TENM3: variants seen among roughly 807,000 people sequenced by gnomAD.
TENM3 encodes teneurin-3.
Under a neutral mutation model 255.1 loss-of-function variants are expected in TENM3, and 63 were observed. That is an observed-to-expected ratio of 0.25 (90% CI 0.20 to 0.30). The LOEUF (loss-of-function observed/expected upper bound fraction) is 0.30. Among genes scored for constraint, TENM3 ranks in the 10% least tolerant of loss-of-function variants. The pLI is 1.00. For missense variants in TENM3, 2,929 were observed against 3,461.1 expected, an observed-to-expected ratio of 0.85 and a Z score of 3.86; for synonymous variants, 1,306 against 1,322.3, an observed-to-expected ratio of 0.99 and a Z score of 0.27.
chr4:182,284,979 C>T (rs1255074881), intron 1 of TENM3, among the ~76,000 whole-genome samples: 3 of 152,004 alleles, frequency 2.0e-5, no homozygotes, highest in African/African-American at 7.3e-5. Flanking sequence ...GTCAAAGAGG[C>T]ACAAGTTAAT....
At chr4:181,820,143 T>G in the TENM3 span, 3 of 151,676 alleles carry the variant, frequency 2.0e-5, no homozygotes, top group Non-Finnish European at 4.4e-5. Flanking sequence ...CCAGGAGGGG[T>G]GTGAGGCATC....
chr4:182,436,203 A>G (rs1413037309), intron 3 of TENM3, among the ~76,000 whole-genome samples: 1 of 152,136 alleles, frequency 6.6e-6, no homozygotes, highest in Non-Finnish European at 1.5e-5. Flanking sequence ...ATGGGGAGTC[A>G]TGTTAACAAT....
intron 1 of TENM3, among the ~76,000 whole-genome samples, chr4:182,289,873 C>T (rs192018505): frequency 6.6e-6 from 1 of 152,048 alleles, no homozygotes. Context: ...TCGGGTTGCC[C>T]GCGGCTCCAC....
chr4:181,690,992 C>A, the TENM3 span, among the ~76,000 whole-genome samples: 1 of 152,160 alleles, frequency 6.6e-6, no homozygotes, highest in African/African-American at 2.4e-5. Context: ...TTTGTCTTTA[C>A]TGAATGCTCT....
chr4:182,242,489 G>A (rs62354182), upstream of TENM3, among the ~76,000 whole-genome samples: 26,397 of 152,032 alleles, frequency 0.17, 2,514 homozygotes, highest in African/African-American at 0.25. Context: ...GGCCCAGCAC[G>A]GTGGCTCATG....
intron 1 of TENM3, among the ~76,000 whole-genome samples, chr4:182,296,435 G>A (rs895750062): frequency 6.6e-6 from 1 of 152,110 alleles, no homozygotes. Flanking sequence ...TTACTTTTGT[G>A]GATCTGCAAG....
chr4:182,393,682 T>A (rs1167032805), intron 3 of TENM3, among the ~76,000 whole-genome samples: 1 of 152,216 alleles, frequency 6.6e-6, no homozygotes, highest in Non-Finnish European at 1.5e-5. Context: ...ATTGATATTA[T>A]TTTTAAATAC....
intron 1 of TENM3, among the ~76,000 whole-genome samples, chr4:182,301,051 A>G (rs1761821088): frequency 6.6e-6 from 1 of 152,254 alleles, no homozygotes. Context: ...ATTTGAAAGA[A>G]GAATGAAGAG....
At chr4:182,653,985 G>A (rs1465930675) in intron 6 of TENM3, 92 bp downstream of exon 6, 7 of 1,242,390 alleles carry the variant, frequency 5.6e-6, no homozygotes, top group Non-Finnish European at 7.5e-6. Context: ...AGTTTAGATG[G>A]AACAGGGAAA....
the TENM3 span, among the ~76,000 whole-genome samples, chr4:181,947,964 T>C: frequency 6.6e-6 from 1 of 152,160 alleles, no homozygotes; most frequent in African/African-American, 2.4e-5. Flanking sequence ...TATCACACTT[T>C]TTCCATGAGA....
the TENM3 span, among the ~76,000 whole-genome samples, chr4:181,883,259 GT>G: frequency 1.3e-5 from 2 of 151,250 alleles, no homozygotes; most frequent in Non-Finnish European, 2.9e-5. Flanking sequence ...CCAAAGCATT[GT>G]GCTAAGAACC....
the TENM3 span, among the ~76,000 whole-genome samples, chr4:181,864,780 A>T: frequency 1.3e-5 from 2 of 152,142 alleles, no homozygotes; most frequent in Admixed American, 6.6e-5. Context: ...CAATTCCTTA[A>T]CTAGAGCTTT....
the TENM3 span, among the ~76,000 whole-genome samples, chr4:181,816,078 T>A: frequency 6.6e-6 from 1 of 152,218 alleles, no homozygotes; most frequent in Non-Finnish European, 1.5e-5. Context: ...CCTGCTAACA[T>A]TTTTGTTTCA....
the TENM3 span, among the ~76,000 whole-genome samples, chr4:181,875,311 C>T: frequency 6.6e-6 from 1 of 152,072 alleles, no homozygotes; most frequent in Non-Finnish European, 1.5e-5. Flanking sequence ...TTAATAATAG[C>T]AATTTGTTAG....
At chr4:181,479,764 T>A in the TENM3 span, among the ~76,000 whole-genome samples, 1 of 152,324 alleles carries the variant, frequency 6.6e-6, no homozygotes, top group Middle Eastern at 3.4e-3. Flanking sequence ...ATAAAAAGAT[T>A]GAAATGTAAA....
intron 1 of TENM3, among the ~76,000 whole-genome samples, chr4:182,197,622 T>C (rs2149812523): frequency 6.6e-6 from 1 of 152,294 alleles, no homozygotes; most frequent in Admixed American, 6.5e-5. Flanking sequence ...CCTAAATAGG[T>C]ACTGTGGTAA....
the TENM3 span, among the ~76,000 whole-genome samples, chr4:181,461,275 G>GT: frequency 8.6e-5 from 13 of 151,826 alleles, no homozygotes; most frequent in African/African-American, 2.9e-4. Flanking sequence ...CTACACCTGT[G>GT]TGTTTTTTTC....
intron 1 of TENM3, among the ~76,000 whole-genome samples, chr4:182,280,232 C>G (rs1760287844): frequency 6.6e-6 from 1 of 152,170 alleles, no homozygotes; most frequent in Non-Finnish European, 1.5e-5. Context: ...CAGTTTCCCC[C>G]ACGGGGTCTT....
the TENM3 span, among the ~76,000 whole-genome samples, chr4:181,771,033 T>A: frequency 7.1e-3 from 1,081 of 152,348 alleles, 11 homozygotes; most frequent in African/African-American, 0.024. Flanking sequence ...CAGTAAGGAA[T>A]GGGTGTTCAG....
Sources: allele counts gnomAD v4.1 joint callset (sites outside exome capture counted in the v4.1 genomes callset), GRCh38; gene constraint gnomAD v4.1.1; transcripts MANE v1.5; gene names NCBI Gene and HGNC (gene_info 2026-07-23, HGNC 2026-07-21).